FOXK2: variants seen among roughly 807,000 people sequenced by gnomAD.
The protein encoded by FOXK2 is forkhead box K2, also known as forkhead box protein K2.
FOXK2 carries 24 observed loss-of-function variants against 53.3 expected under a neutral mutation model. The observed-to-expected ratio is 0.45, with a 90% CI of 0.33 to 0.63. The LOEUF is 0.63. Among genes scored for constraint, FOXK2 ranks in the 30% least tolerant of loss-of-function variants. The pLI is 0.03. For missense variants in FOXK2, 952 were observed against 910.5 expected (o/e 1.05, Z -0.59); for synonymous variants, 505 against 407.1 (o/e 1.24, Z -2.89).
chr17:82,563,661 G>A (rs2044822218), intron 2 of FOXK2, 113 bp downstream of exon 2: 1 of 894,814 alleles, frequency 1.1e-6, no homozygotes, highest in Non-Finnish European at 1.6e-6. Flanking sequence ...ATGTGAGGTG[G>A]TGTTTAAAAT....
chr17:82,586,986 T>C (rs185060731), intron 7 of FOXK2, 77 bp from the exon 8 acceptor site: 1 of 1,334,858 alleles, frequency 7.5e-7, no homozygotes, highest in Non-Finnish European at 1.1e-6. Context: ...AGCTATCTGG[T>C]TATTATGTTT....
At chr17:82,601,173 C>T (rs930575325) in intron 8 of FOXK2, 130 bp from the exon 9 acceptor site, 5 of 1,017,134 alleles carry the variant, frequency 4.9e-6, no homozygotes, top group South Asian at 1.6e-5. Context: ...GTGGCAGGAC[C>T]CTTAGAGGGC....
chr17:82,554,732 A>G (rs2044706901), intron 1 of FOXK2, among the ~76,000 whole-genome samples: 1 of 143,256 alleles, frequency 7.0e-6, no homozygotes, highest in South Asian at 2.4e-4. Flanking sequence ...TGCAGAATCC[A>G]GTGAGGTTTT....
At chr17:82,524,871 C>G (rs1276307249) in intron 1 of FOXK2, among the ~76,000 whole-genome samples, 1 of 152,010 alleles carries the variant, frequency 6.6e-6, no homozygotes, top group African/African-American at 2.4e-5. Context: ...GCAATTCAGG[C>G]TGGAAGAGAC....
In FOXK2 at chr17:82,563,441, G is replaced by A. The variant is rs756557187; in HGVS notation, c.507G>A (p.Glu169=). 15 of 1,614,062 alleles carry A rather than the reference G, an allele frequency of 9.3e-6. No homozygotes were observed. Among genetic ancestry groups the A allele is most frequent in the Non-Finnish European group, 2.5e-6 (3 of 1,180,040 alleles). Residue 169 remains glutamate (E), a synonymous_variant, in exon 2 of 9, where the codon GAG becomes GAA. Transcript: ENST00000335255. ...SEKREKQEAS[E]SPVKAVQPHI... Reference sequence around the variant, plus strand: ...AGAGAGAGAAGCAGGAGGCGTCTGAGTCTCCAGTGAAGGCCGTACAGCCAC... The same window carrying A: ...AGAGAGAGAAGCAGGAGGCGTCTGAATCTCCAGTGAAGGCCGTACAGCCAC...
intron 4 of FOXK2, among the ~76,000 whole-genome samples, chr17:82,581,037 G>T (rs2045053419): frequency 6.6e-6 from 1 of 152,222 alleles, no homozygotes; most frequent in South Asian, 2.1e-4. Context: ...TTGTATGTTG[G>T]ATTTCTTAGT....
chr17:82,527,848 T>G (rs547595335), intron 1 of FOXK2, among the ~76,000 whole-genome samples: 1 of 152,350 alleles, frequency 6.6e-6, no homozygotes, highest in East Asian at 1.9e-4. Flanking sequence ...TCACCCAGGC[T>G]GGAGTACAGT....
At chr17:82,521,879 G>A (rs1044918624) in intron 1 of FOXK2, among the ~76,000 whole-genome samples, 8 of 151,122 alleles carry the variant, frequency 5.3e-5, no homozygotes, top group African/African-American at 1.7e-4. Context: ...GGAGCTTGCA[G>A]CCAGCGAGAT....
chr17:82,590,261 A>G (rs2045239665), intron 8 of FOXK2, among the ~76,000 whole-genome samples: 1 of 152,154 alleles, frequency 6.6e-6, no homozygotes, highest in Non-Finnish European at 1.5e-5. Flanking sequence ...TACAGCCTGG[A>G]TGCTGAACAC....
intron 1 of FOXK2, among the ~76,000 whole-genome samples, chr17:82,552,431 G>A (rs190286604): frequency 1.3e-3 from 196 of 152,160 alleles, no homozygotes; most frequent in African/African-American, 4.6e-3. Context: ...CCTAATGGCC[G>A]ACCTTCTCCA....
intron 1 of FOXK2, among the ~76,000 whole-genome samples, chr17:82,527,315 T>G (rs2044428297): frequency 6.6e-6 from 1 of 152,080 alleles, no homozygotes; most frequent in African/African-American, 2.4e-5. Flanking sequence ...AATTTTTGTA[T>G]TTTTGGTAGA....
At chr17:82,557,044 T>G (rs1361125817) in intron 1 of FOXK2, among the ~76,000 whole-genome samples, 1 of 150,014 alleles carries the variant, frequency 6.7e-6, no homozygotes, top group Non-Finnish European at 1.5e-5. Flanking sequence ...TTTTATTTTT[T>G]TTTTGAGACA....
intron 2 of FOXK2, among the ~76,000 whole-genome samples, chr17:82,566,956 CT>C (rs1173139109): frequency 6.6e-6 from 1 of 152,216 alleles, no homozygotes; most frequent in Non-Finnish European, 1.5e-5. Flanking sequence ...ATTGTAGATG[CT>C]TTTTCTCCAG....
intron 1 of FOXK2, among the ~76,000 whole-genome samples, chr17:82,541,560 G>C (rs1337438794): frequency 6.6e-6 from 1 of 152,088 alleles, no homozygotes; most frequent in African/African-American, 2.4e-5. Context: ...ACCACGCCTG[G>C]CCAAATTTTT....
chr17:82,544,516 A>G, intron 1 of FOXK2, among the ~76,000 whole-genome samples: 1 of 152,188 alleles, frequency 6.6e-6, no homozygotes, highest in Non-Finnish European at 1.5e-5. Context: ...CAGCGTGTGT[A>G]CTGGGTATGA....
intron 8 of FOXK2, among the ~76,000 whole-genome samples, chr17:82,596,369 C>G (rs4789806): frequency 3.3e-3 from 398 of 122,082 alleles, no homozygotes; most frequent in Admixed American, 8.9e-3. Context: ...TGTAGGGGGA[C>G]CCTCAGAGCT....
chr17:82,538,596 C>G (rs2044543924), intron 1 of FOXK2, among the ~76,000 whole-genome samples: 1 of 152,240 alleles, frequency 6.6e-6, no homozygotes, highest in African/African-American at 2.4e-5. Flanking sequence ...TGGACACAGT[C>G]CCCACAGGAG....
intron 7 of FOXK2, 84 bp from the exon 8 acceptor site, chr17:82,586,979 T>C (rs1387545): frequency 0.61 from 716,272 of 1,183,652 alleles, 219,674 homozygotes; most frequent in Middle Eastern, 0.77. Context: ...GTGTGATAGC[T>C]ATCTGGTTAT....
intron 8 of FOXK2, among the ~76,000 whole-genome samples, chr17:82,597,172 A>G (rs1391603861): frequency 6.6e-6 from 1 of 152,240 alleles, no homozygotes; most frequent in Non-Finnish European, 1.5e-5. Flanking sequence ...CTCCTTGTCC[A>G]GGATGGTCCT....
Sources: gnomAD v4.1 joint callset for allele counts (sites outside exome capture counted in the v4.1 genomes callset) on GRCh38, gnomAD v4.1.1 for gene constraint, MANE v1.5 for transcripts, NCBI Gene and HGNC (gene_info 2026-07-23, HGNC 2026-07-21) for gene names.